DOCK3: variants seen among roughly 807,000 people sequenced by gnomAD.
The protein encoded by DOCK3 is dedicator of cytokinesis protein 3.
A neutral mutation model predicts 265.6 loss-of-function variants in DOCK3; 60 were observed. The ratio of observed to expected loss-of-function variants is 0.23; its 90% confidence interval spans 0.18 to 0.28. DOCK3 has a LOEUF of 0.28. DOCK3 is among the 10% of genes least tolerant of loss of function. The pLI, the probability that DOCK3 is intolerant of heterozygous loss-of-function variation, is 1.00. For synonymous variants in DOCK3, 881 were observed against 938.0 expected (o/e 0.94, Z 1.11); for missense variants, 1,981 against 2,594.3 (o/e 0.76, Z 5.14).
intron 27 of DOCK3, among the ~76,000 whole-genome samples, chr3:51,304,129 G>T (rs1048029134): frequency 6.6e-6 from 1 of 152,056 alleles, no homozygotes; most frequent in Non-Finnish European, 1.5e-5. Flanking sequence ...TAAAATTCCT[G>T]CAGGGAGGCC....
chr3:51,052,850 C>T (rs895496643), intron 5 of DOCK3, among the ~76,000 whole-genome samples: 2 of 151,780 alleles, frequency 1.3e-5, no homozygotes, highest in Non-Finnish European at 2.9e-5. Context: ...TTCTCATCCA[C>T]TCTAGGAATG....
intron 7 of DOCK3, among the ~76,000 whole-genome samples, chr3:51,086,315 G>T (rs1275527084): frequency 1.3e-5 from 2 of 152,170 alleles, no homozygotes; most frequent in African/African-American, 4.8e-5. Context: ...GGTGTTCCTT[G>T]CCCTCATTCT....
chr3:50,768,065 G>C (rs2041019857), intron 1 of DOCK3, among the ~76,000 whole-genome samples: 1 of 152,064 alleles, frequency 6.6e-6, no homozygotes, highest in Non-Finnish European at 1.5e-5. Flanking sequence ...CTGCAAACAG[G>C]GACAATTTGA....
chr3:50,704,819 G>A (rs2036284727), intron 1 of DOCK3, among the ~76,000 whole-genome samples: 1 of 152,074 alleles, frequency 6.6e-6, no homozygotes, highest in African/African-American at 2.4e-5. Flanking sequence ...AGTAGAGACA[G>A]GGTTTTGTCA....
intron 32 of DOCK3, among the ~76,000 whole-genome samples, chr3:51,317,805 A>G (rs2083457379): frequency 6.6e-6 from 1 of 151,984 alleles, no homozygotes; most frequent in Non-Finnish European, 1.5e-5. Flanking sequence ...CTACTTAAAA[A>G]ATCAATTGAC....
chr3:50,799,074 G>T (rs2042938852), intron 2 of DOCK3, among the ~76,000 whole-genome samples: 4 of 152,066 alleles, frequency 2.6e-5, no homozygotes, highest in Admixed American at 2.6e-4. Flanking sequence ...CTGTTTTAGT[G>T]GTCTGTGTGT....
chr3:51,199,615 C>A (rs1407409867), intron 12 of DOCK3, among the ~76,000 whole-genome samples: 4 of 152,238 alleles, frequency 2.6e-5, no homozygotes, highest in African/African-American at 9.6e-5. Context: ...GGGCAGGGCA[C>A]AGACAAACAA....
intron 38 of DOCK3, among the ~76,000 whole-genome samples, chr3:51,347,514 C>T (rs1049890745): frequency 5.3e-5 from 8 of 152,130 alleles, no homozygotes; most frequent in African/African-American, 1.4e-4. Flanking sequence ...GTTTTGGTAC[C>T]GGTACCATGC....
intron 3 of DOCK3, among the ~76,000 whole-genome samples, chr3:50,884,558 T>C (rs1659901933): frequency 6.6e-6 from 1 of 152,180 alleles, no homozygotes; most frequent in African/African-American, 2.4e-5. Flanking sequence ...GGTAAGGTGT[T>C]GTTTCTCTCT....
chr3:51,345,333 G>A (rs2085490315), intron 38 of DOCK3, among the ~76,000 whole-genome samples: 1 of 152,184 alleles, frequency 6.6e-6, no homozygotes, highest in African/African-American at 2.4e-5. Context: ...TGTTTGGCTG[G>A]GCATCGTGGC....
At chr3:51,216,547 G>T (rs1260851352) in intron 14 of DOCK3, among the ~76,000 whole-genome samples, 1 of 152,196 alleles carries the variant, frequency 6.6e-6, no homozygotes, top group Non-Finnish European at 1.5e-5. Flanking sequence ...TGGTTCATAG[G>T]CAGAGCAGTC....
chr3:50,928,363 C>T (rs1309801818), intron 4 of DOCK3, among the ~76,000 whole-genome samples: 4 of 151,976 alleles, frequency 2.6e-5, no homozygotes, highest in Admixed American at 6.6e-5. Flanking sequence ...TATGAATTTT[C>T]ATATTCTAGG....
At chr3:51,330,763 G>A (rs2084465232) in intron 33 of DOCK3, among the ~76,000 whole-genome samples, 1 of 152,140 alleles carries the variant, frequency 6.6e-6, no homozygotes, top group African/African-American at 2.4e-5. Flanking sequence ...ATGGTTTCTG[G>A]CTTGAGTTGA....
At chr3:51,319,596 G>A (rs1184413563) in intron 32 of DOCK3, among the ~76,000 whole-genome samples, 2 of 152,122 alleles carry the variant, frequency 1.3e-5, no homozygotes, top group African/African-American at 4.8e-5. Flanking sequence ...GCCAGGTGTG[G>A]TGGCTCACAC....
chr3:51,362,027 G>A, intron 48 of DOCK3, 30 bp downstream of exon 48: 2 of 1,584,994 alleles, frequency 1.3e-6, no homozygotes, highest in Non-Finnish European at 1.7e-6. Context: ...GAGTGGGCCA[G>A]GGCACCATGC....
intron 5 of DOCK3, among the ~76,000 whole-genome samples, chr3:50,998,187 T>C (rs1392395101): frequency 6.6e-6 from 1 of 152,160 alleles, no homozygotes; most frequent in Non-Finnish European, 1.5e-5. Flanking sequence ...AGCTAGTAAA[T>C]AGAGGAGCTA....
At chr3:50,897,228 T>C (rs2048938750) in intron 4 of DOCK3, among the ~76,000 whole-genome samples, 1 of 152,188 alleles carries the variant, frequency 6.6e-6, no homozygotes, top group Non-Finnish European at 1.5e-5. Context: ...TTCCTAGGTA[T>C]TTTATTCTCT....
At chr3:51,330,681 G>A (rs2084458039) in intron 33 of DOCK3, among the ~76,000 whole-genome samples, 3 of 152,072 alleles carry the variant, frequency 2.0e-5, no homozygotes, top group Admixed American at 2.0e-4. Context: ...CTCTTTCCAG[G>A]CCAGTTTTCA....
chr3:50,702,732 T>C (rs2036134297), intron 1 of DOCK3, among the ~76,000 whole-genome samples: 1 of 145,856 alleles, frequency 6.9e-6, no homozygotes, highest in African/African-American at 2.5e-5. Context: ...GTTCTAAGAC[T>C]TTTTTTTTTT....
Sources: allele counts gnomAD v4.1 joint callset (sites outside exome capture counted in the v4.1 genomes callset), GRCh38; gene constraint gnomAD v4.1.1; transcripts MANE v1.5; gene names NCBI Gene and HGNC (gene_info 2026-07-23, HGNC 2026-07-21).